Variants in ATP2B2 observed in about 807,000 individuals in gnomAD.
The protein encoded by ATP2B2 is plasma membrane calcium-transporting ATPase 2.
ATP2B2 carries 15 observed loss-of-function variants against 120.0 expected under a neutral mutation model. That is an observed-to-expected ratio of 0.12 (90% CI 0.08 to 0.19). ATP2B2 has a LOEUF of 0.19. ATP2B2 is among the 10% of genes least tolerant of loss of function. The pLI, the probability that ATP2B2 is intolerant of heterozygous loss-of-function variation, is 1.00. For missense variants in ATP2B2, 1,045 were observed against 1,719.8 expected, an observed-to-expected ratio of 0.61 and a Z score of 6.94; for synonymous variants, 694 against 700.3, an observed-to-expected ratio of 0.99 and a Z score of 0.14.
At chr3:10,617,948 A>G (rs1559489360) in intron 2 of ATP2B2, among the ~76,000 whole-genome samples, 1 of 152,226 alleles carries the variant, frequency 6.6e-6, no homozygotes, top group Non-Finnish European at 1.5e-5. Context: ...TGTTGACCCC[A>G]CTAGAATAGC....
At chr3:10,641,362 C>T (rs2070166211) in intron 1 of ATP2B2, among the ~76,000 whole-genome samples, 1 of 152,132 alleles carries the variant, frequency 6.6e-6, no homozygotes, top group Non-Finnish European at 1.5e-5. Context: ...GGGACTGCTG[C>T]AAATGGAGAG....
intron 1 of ATP2B2, among the ~76,000 whole-genome samples, chr3:10,657,366 A>G (rs1295906142): frequency 6.6e-6 from 1 of 152,200 alleles, no homozygotes; most frequent in Non-Finnish European, 1.5e-5. Flanking sequence ...ACCCACCCTC[A>G]TGTCTAAACA....
intron 1 of ATP2B2, among the ~76,000 whole-genome samples, chr3:10,665,800 G>A (rs12636308): frequency 0.043 from 6,495 of 152,198 alleles, 159 homozygotes; most frequent in East Asian, 0.081. Context: ...CCTCCAGCAG[G>A]GGATAAGCTG....
intron 1 of ATP2B2, among the ~76,000 whole-genome samples, chr3:10,705,732 C>T (rs900631449): frequency 3.9e-5 from 6 of 152,228 alleles, no homozygotes; most frequent in Non-Finnish European, 8.8e-5. Context: ...GCTTCGTACA[C>T]AGCCTGGCAA....
chr3:10,371,712 T>C, intron 12 of ATP2B2, 97 bp downstream of exon 12: 1 of 1,578,768 alleles, frequency 6.3e-7, no homozygotes, highest in East Asian at 2.2e-5. Flanking sequence ...ATTAGCAGGA[T>C]TTGAGACTAT....
Position 10,402,425 on chromosome 3 carries a change from A to T in ATP2B2, c.398-77T>A, listed in dbSNP as rs1159615093. The stretch of plus-strand genomic sequence containing the variant: ...CCTCATGGGCCTGGATTTACAGCTC[A>T]GCTCTGCAAAGTAACAAGTGTTAAG... On this transcript the variant is annotated intron_variant, in intron 3 of 22. Transcript: ENST00000360273. The surrounding 1 kb of genome is among the most constrained non-coding windows in gnomAD (Gnocchi z 4.9). The T allele has an allele frequency of 6.4e-7, 1 of 1,574,080 alleles. No individual in the cohort carries two copies. The highest frequency in any genetic ancestry group is 1.3e-5 in the African/African-American group (1 of 74,292).
intron 12 of ATP2B2, 118 bp downstream of exon 12, chr3:10,371,691 T>C: frequency 2.7e-6 from 4 of 1,498,350 alleles, no homozygotes; most frequent in Non-Finnish European, 3.7e-6. Context: ...TATCTGACCA[T>C]ACCAAAATAT....
Position 10,695,261 on chromosome 3 carries a change from A to G in ATP2B2, c.-460+12654T>C, listed in dbSNP as rs1400976669. Among the ~76,000 whole-genome samples, 25 of 151,562 alleles carry G rather than the reference A, an allele frequency of 1.6e-4. 1 individual carries two copies. The highest frequency in any genetic ancestry group is 1.9e-4 in the Non-Finnish European group (13 of 67,920). ...AAAGGAGGGAGGGAGGGAGAGAGAG[A>G]GAGAGAGAGAGAGAGAGAGAGAGAC... is the stretch of plus-strand genomic sequence containing the variant. On this transcript the variant is annotated intron_variant, in intron 1 of 21. Transcript: ENST00000646379.
chr3:10,455,251 T>A (rs1042849631), intron 1 of ATP2B2, among the ~76,000 whole-genome samples: 2 of 152,170 alleles, frequency 1.3e-5, no homozygotes, highest in African/African-American at 2.4e-5. Context: ...TTGAGATGCA[T>A]GCACTGCCCT....
At chr3:10,405,989 G>A (rs774594365) in intron 3 of ATP2B2, among the ~76,000 whole-genome samples, 8 of 152,176 alleles carry the variant, frequency 5.3e-5, no homozygotes, top group Non-Finnish European at 8.8e-5. Context: ...AGAGGTCTCT[G>A]AGCCAGGTAA....
intron 2 of ATP2B2, among the ~76,000 whole-genome samples, chr3:10,611,742 A>G (rs915721558): frequency 6.6e-6 from 1 of 152,008 alleles, no homozygotes; most frequent in Non-Finnish European, 1.5e-5. Flanking sequence ...ATCCTTTCCC[A>G]TCGTCATTCA....
intron 2 of ATP2B2, among the ~76,000 whole-genome samples, chr3:10,607,807 G>A (rs2069126855): frequency 6.6e-6 from 1 of 152,198 alleles, no homozygotes; most frequent in African/African-American, 2.4e-5. Flanking sequence ...GAGGGTGTGT[G>A]GATGATAAAT....
chr3:10,501,876 CA>C (rs1354608890), intron 1 of ATP2B2, among the ~76,000 whole-genome samples: 1 of 152,218 alleles, frequency 6.6e-6, no homozygotes, highest in Non-Finnish European at 1.5e-5. Flanking sequence ...CTCAGCTCCC[CA>C]GGGTGCGGAG....
At chr3:10,707,093 C>G (rs980805866) in intron 1 of ATP2B2, among the ~76,000 whole-genome samples, 1 of 152,156 alleles carries the variant, frequency 6.6e-6, no homozygotes, top group African/African-American at 2.4e-5. Context: ...TGGGTGAGTC[C>G]CAGTGTCCCG....
chr3:10,703,997 C>A (rs1320572735), intron 1 of ATP2B2, among the ~76,000 whole-genome samples: 1 of 152,182 alleles, frequency 6.6e-6, no homozygotes, highest in African/African-American at 2.4e-5. Context: ...CCTGCTTACC[C>A]TGCCTCACCC....
chr3:10,634,866 T>C (rs2069977898), intron 1 of ATP2B2, among the ~76,000 whole-genome samples: 1 of 152,200 alleles, frequency 6.6e-6, no homozygotes, highest in South Asian at 2.1e-4. Flanking sequence ...AAATCTCCTC[T>C]ATTCCTAACT....
intron 2 of ATP2B2, among the ~76,000 whole-genome samples, chr3:10,411,411 G>A (rs902017154): frequency 6.6e-6 from 1 of 152,174 alleles, no homozygotes; most frequent in African/African-American, 2.4e-5. Flanking sequence ...GTGGTCATTT[G>A]CTGTGGCAGC....
intron 2 of ATP2B2, among the ~76,000 whole-genome samples, chr3:10,536,842 T>C (rs1343423966): frequency 2.6e-5 from 4 of 152,236 alleles, no homozygotes; most frequent in Non-Finnish European, 5.9e-5. Flanking sequence ...ACTTTTTGTC[T>C]ACAAGCTTTA....
intron 1 of ATP2B2, among the ~76,000 whole-genome samples, chr3:10,481,876 CACTT>C (rs1415346573): frequency 2.6e-5 from 4 of 152,204 alleles, no homozygotes; most frequent in African/African-American, 4.8e-5. Context: ...TAAAAAATAA[CACTT>C]ACACCCACTA....
Sources: allele counts gnomAD v4.1 joint callset (sites outside exome capture counted in the v4.1 genomes callset), GRCh38; gene constraint gnomAD v4.1.1; non-coding constraint Gnocchi (gnomAD v3.1); transcripts MANE v1.5; gene names NCBI Gene and HGNC (gene_info 2026-07-23, HGNC 2026-07-21).